PIP5K1B: variants seen among roughly 807,000 people sequenced by gnomAD.
The protein encoded by PIP5K1B is phosphatidylinositol-4-phosphate 5-kinase type 1 beta.
Under a neutral mutation model 67.0 loss-of-function variants are expected in PIP5K1B, and 42 were observed. That is an observed-to-expected ratio of 0.63 (90% CI 0.49 to 0.81). The LOEUF (loss-of-function observed/expected upper bound fraction) is 0.81, where lower values mean the gene tolerates loss of function less well. Among genes scored for constraint, PIP5K1B ranks in the 30% least tolerant of loss-of-function variants. The pLI is 0.00. For synonymous variants in PIP5K1B, 214 were observed against 231.4 expected (o/e 0.92, Z 0.68); for missense variants, 459 against 646.3 (o/e 0.71, Z 3.14).
chr9:68,894,684 T>C, intron 8 of PIP5K1B, 46 bp downstream of exon 8: 1 of 1,546,298 alleles, frequency 6.5e-7, no homozygotes, highest in East Asian at 2.3e-5. Context: ...TCTGTGCTCA[T>C]GTAAACTGTG....
chr9:68,924,472 A>G (rs899770943), intron 12 of PIP5K1B, among the ~76,000 whole-genome samples: 6 of 151,736 alleles, frequency 4.0e-5, no homozygotes, highest in Non-Finnish European at 7.4e-5. Flanking sequence ...TAAACCTTGA[A>G]TAACTAGAAA....
chr9:68,728,295 C>T (rs1828250745), intron 1 of PIP5K1B, among the ~76,000 whole-genome samples: 1 of 152,130 alleles, frequency 6.6e-6, no homozygotes, highest in Non-Finnish European at 1.5e-5. Flanking sequence ...GGTGAGGGCT[C>T]ACTTTATGGT....
intron 2 of PIP5K1B, among the ~76,000 whole-genome samples, chr9:68,745,667 C>T (rs1012914521): frequency 6.6e-6 from 1 of 152,154 alleles, no homozygotes; most frequent in Admixed American, 6.5e-5. Flanking sequence ...ATCTTCCATC[C>T]AGGAAGCTCC....
chr9:68,749,699 A>G (rs927321850), intron 2 of PIP5K1B, among the ~76,000 whole-genome samples: 1 of 152,102 alleles, frequency 6.6e-6, no homozygotes, highest in East Asian at 1.9e-4. Flanking sequence ...GGGCTTCTCA[A>G]CCTCGGCACT....
chr9:68,981,925 T>A (rs1829898470), intron 14 of PIP5K1B, among the ~76,000 whole-genome samples: 1 of 152,202 alleles, frequency 6.6e-6, no homozygotes, highest in South Asian at 2.1e-4. Context: ...GAGAAGTTTA[T>A]GACTTGTTCG....
chr9:68,940,618 T>C, intron 13 of PIP5K1B, 28 bp from the exon 14 acceptor site: 2 of 1,603,956 alleles, frequency 1.2e-6, no homozygotes, highest in Non-Finnish European at 1.7e-6. Context: ...TTGAGATTCA[T>C]GAATGTGTGT....
chr9:68,934,783 AAAT>A (rs1197120689), intron 12 of PIP5K1B, 104 bp from the exon 13 acceptor site: 1 of 787,680 alleles, frequency 1.3e-6, no homozygotes, highest in East Asian at 3.1e-5. Flanking sequence ...TCTTCTATTC[AAAT>A]AATAACTAAA....
At chr9:68,879,990 G>A (rs188868024) in intron 6 of PIP5K1B, among the ~76,000 whole-genome samples, 8 of 152,128 alleles carry the variant, frequency 5.3e-5, no homozygotes, top group South Asian at 2.1e-4. Flanking sequence ...AAAATTAATC[G>A]GAAGGATTGT....
intron 14 of PIP5K1B, among the ~76,000 whole-genome samples, chr9:68,943,503 C>T (rs1199495624): frequency 1.3e-5 from 2 of 152,022 alleles, no homozygotes; most frequent in Non-Finnish European, 2.9e-5. Context: ...CAAACCAAAA[C>T]AAAAGAAAAA....
chr9:68,788,451 A>T, intron 2 of PIP5K1B: 1 of 385,918 alleles, frequency 2.6e-6, no homozygotes, highest in South Asian at 2.5e-5. Context: ...ATTTTATCAT[A>T]TTAGAGGAAG....
At chr9:68,862,738 G>A (rs1245824727) in intron 4 of PIP5K1B, among the ~76,000 whole-genome samples, 3 of 151,892 alleles carry the variant, frequency 2.0e-5, no homozygotes, top group Non-Finnish European at 2.9e-5. Flanking sequence ...ATTGCAGTGA[G>A]CCGAGGTTGC....
At chr9:68,826,369 G>A (rs1034568903) in intron 4 of PIP5K1B, among the ~76,000 whole-genome samples, 5 of 152,212 alleles carry the variant, frequency 3.3e-5, no homozygotes, top group African/African-American at 1.2e-4. Context: ...CTAGCCAACA[G>A]AGCTATGAAT....
chr9:68,836,573 A>AT (rs1489939472), intron 4 of PIP5K1B, among the ~76,000 whole-genome samples: 1 of 152,094 alleles, frequency 6.6e-6, no homozygotes, highest in Non-Finnish European at 1.5e-5. Context: ...CTTTTTATTC[A>AT]TTTTTTGGAG....
intron 1 of PIP5K1B, among the ~76,000 whole-genome samples, chr9:68,712,709 G>A (rs998235404): frequency 2.0e-5 from 3 of 152,240 alleles, no homozygotes; most frequent in African/African-American, 7.2e-5. Flanking sequence ...AACCCTTTAG[G>A]ATGAGAAAAC....
In PIP5K1B at chr9:68,761,407, A is replaced by G. The variant is rs537691860; in HGVS notation, c.-86+18750A>G. Among the ~76,000 whole-genome samples, 8 of 152,178 alleles carry G rather than the reference A, an allele frequency of 5.3e-5. No homozygotes were observed. In the South Asian group the frequency reaches 1.5e-3, roughly 28 times the overall value. On this transcript the variant is annotated intron_variant, in intron 2 of 15. Coordinates refer to ENST00000265382, the MANE Select transcript of PIP5K1B (RefSeq NM_003558.4). ...GCTTTAGAGATTACAGAAATAATTT[A>G]TTTCTTCTCTGAGGTGAAATTTCCT... is the stretch of plus-strand genomic sequence containing the variant.
At chr9:68,792,150 A>G (rs1004540863) in intron 2 of PIP5K1B, among the ~76,000 whole-genome samples, 1 of 152,218 alleles carries the variant, frequency 6.6e-6, no homozygotes, top group African/African-American at 2.4e-5. Context: ...AAGGCAATTA[A>G]TAGTCTGAAT....
intron 15 of PIP5K1B, among the ~76,000 whole-genome samples, chr9:69,002,756 GCCCATCA>G (rs1472446040): frequency 1.3e-5 from 2 of 152,128 alleles, no homozygotes; most frequent in African/African-American, 2.4e-5. Flanking sequence ...GCCGAGAGGG[GCCCATCA>G]CTTAAGTCCA....
chr9:68,890,409 G>A (rs1824725960), intron 7 of PIP5K1B, among the ~76,000 whole-genome samples: 1 of 152,116 alleles, frequency 6.6e-6, no homozygotes, highest in South Asian at 2.1e-4. Flanking sequence ...GAAGCTGTCT[G>A]GATTTCAGAA....
chr9:68,838,735 CT>C (rs1471896565), intron 4 of PIP5K1B, among the ~76,000 whole-genome samples: 1 of 152,064 alleles, frequency 6.6e-6, no homozygotes, highest in African/African-American at 2.4e-5. Context: ...ACTTGTACCC[CT>C]GAATCTAAAA....
Sources: allele counts gnomAD v4.1 joint callset (sites outside exome capture counted in the v4.1 genomes callset), GRCh38; gene constraint gnomAD v4.1.1; transcripts MANE v1.5; gene names NCBI Gene and HGNC (gene_info 2026-07-23, HGNC 2026-07-21).